GALNT5: variants seen among roughly 807,000 people sequenced by gnomAD.
The protein encoded by GALNT5 is UDP-GalNAc:polypeptide N-acetylgalactosaminyltransferase 5.
GALNT5 carries 72 observed loss-of-function variants against 85.4 expected under a neutral mutation model. The ratio of observed to expected loss-of-function variants is 0.84; its 90% CI spans 0.70 to 1.03. The LOEUF is 1.03. Ranked by LOEUF, GALNT5 falls within the 50% of genes least tolerant of loss-of-function variation. The probability of loss-of-function intolerance (pLI) is 0.00; values close to 1 mark genes in which losing one functional copy is unlikely to be tolerated. For missense variants in GALNT5, 1,137 were observed against 1,135.5 expected, an observed-to-expected ratio of 1.00 and a Z score of -0.02; for synonymous variants, 404 against 397.0, an observed-to-expected ratio of 1.02 and a Z score of -0.21.
chr2:157,306,120 T>C (rs1683450831), intron 8 of GALNT5, among the ~76,000 whole-genome samples: 3 of 152,218 alleles, frequency 2.0e-5, no homozygotes, highest in African/African-American at 4.8e-5. Flanking sequence ...GTGATAATCA[T>C]GCCTACTTTT....
chr2:157,295,079 A>G (rs1306379435), intron 3 of GALNT5, among the ~76,000 whole-genome samples: 3 of 152,048 alleles, frequency 2.0e-5, no homozygotes, highest in Admixed American at 6.6e-5. Flanking sequence ...ACATACGTTC[A>G]CATTGGTGTG....
rs142907511 is a variant in GALNT5 at position 157,281,004 on chromosome 2, G to A, written c.1455-3278G>A. On this transcript the variant is annotated intron_variant, in intron 1 of 9. Coordinates refer to ENST00000259056, the MANE Select transcript of GALNT5 (RefSeq NM_014568.3). ...TGCTTCCTGTACAGCCTGCAGAACC[G>A]TGAGCCAATTAAACCTCTTTTCTTT... is the stretch of plus-strand genomic sequence containing the variant. Among the ~76,000 whole-genome samples, 1,465 of 152,238 alleles carry A rather than the reference G, an allele frequency of 9.6e-3. 24 individuals carry two copies. Among genetic ancestry groups the A allele is most frequent in the African/African-American group, 0.033 (1,371 of 41,542 alleles).
chr2:157,285,929 T>C, intron 2 of GALNT5, 86 bp from the exon 3 acceptor site: 5 of 845,708 alleles, frequency 5.9e-6, no homozygotes, highest in Non-Finnish European at 9.5e-6. Context: ...TCATAGTTTT[T>C]GGCATTTGAC....
intron 1 of GALNT5, among the ~76,000 whole-genome samples, chr2:157,283,828 C>G (rs928918159): frequency 2.6e-5 from 4 of 152,128 alleles, no homozygotes; most frequent in African/African-American, 9.7e-5. Context: ...CTACAAAACT[C>G]TATTGAATAA....
chr2:157,299,383 A>T (rs1457147876), intron 5 of GALNT5, among the ~76,000 whole-genome samples, 165 bp from the exon 6 acceptor site: 3 of 152,200 alleles, frequency 2.0e-5, no homozygotes, highest in Non-Finnish European at 2.9e-5. Context: ...TGATCCAGGG[A>T]TCGCATCACT....
chr2:157,304,382 A>G (rs1240405243), intron 7 of GALNT5, among the ~76,000 whole-genome samples: 1 of 152,216 alleles, frequency 6.6e-6, no homozygotes, highest in Non-Finnish European at 1.5e-5. Flanking sequence ...CTCAGAAGTA[A>G]TTAACAACCT....
chr2:157,301,012 G>T lies in GALNT5; in HGVS notation c.2439+13G>T. On this transcript the variant is annotated intron_variant, in intron 7 of 9. Coordinates refer to ENST00000259056, the MANE Select transcript of GALNT5 (RefSeq NM_014568.3). ...AGCTAGTGGTGTGGTAAGTTCAAGT[G>T]GCAATTTAAAATCTTACTCCATAAA... 2 of 1,583,952 alleles carry T rather than the reference G, an allele frequency of 1.3e-6. No homozygotes were observed. Among genetic ancestry groups the T allele is most frequent in the South Asian group, 2.3e-5 (2 of 88,884 alleles).
Position 157,308,565 on chromosome 2 carries a change from A to C in GALNT5, c.2521-2A>C. The C allele has an allele frequency of 6.2e-7, 1 of 1,601,482 alleles. No individual in the cohort carries two copies. Among genetic ancestry groups the C allele is most frequent in the Non-Finnish European group, 8.5e-7 (1 of 1,176,344 alleles). ...TGACCTCTTTATTCATTTCCCCCAC[A>C]GCTTCAACAATTTAATTACACCTGG... On this transcript the variant is annotated splice_acceptor_variant, in intron 8 of 9. Transcript: ENST00000259056. LOFTEE classifies it high-confidence loss of function.
At position 157,258,284 on chromosome 2, in the gene GALNT5, T is replaced by C; in HGVS notation, c.202T>C (p.Tyr68His). 1 of 1,600,272 alleles carries C rather than the reference T, an allele frequency of 6.2e-7. No homozygotes were observed. Among genetic ancestry groups the C allele is most frequent in the Non-Finnish European group, 8.5e-7 (1 of 1,174,792 alleles). Residue 68 changes from tyrosine to histidine, a missense_variant, in exon 1 of 10, where the codon TAC becomes CAC. Tyr to His is a moderately conservative substitution (Grantham distance 83, BLOSUM62 2). Coordinates refer to ENST00000259056, the MANE Select transcript of GALNT5 (RefSeq NM_014568.3). ...RVQPDQGKIFYSSIKEMKPPL... is the reference protein window; with the variant it reads ...RVQPDQGKIFHSSIKEMKPPL... Reference sequence around the variant, plus strand: ...TCAGCCAGACCAAGGAAAAATTTTTTACAGCAGCATAAAAGAGATGAAACC... The same window carrying C: ...TCAGCCAGACCAAGGAAAAATTTTTCACAGCAGCATAAAAGAGATGAAACC...
At chr2:157,274,068 T>C (rs899878503) in intron 1 of GALNT5, among the ~76,000 whole-genome samples, 12 of 151,934 alleles carry the variant, frequency 7.9e-5, no homozygotes, top group Admixed American at 6.6e-4. Flanking sequence ...AGTGAAAACA[T>C]GTGGTGTTTG....
rs1255216233 is a variant in GALNT5 at position 157,308,610 on chromosome 2, G to A, written c.2564G>A (p.Gly855Glu). 6.2e-7 allele frequency: 1 copy of A among 1,613,342 alleles called. No individual in the cohort carries two copies. Among genetic ancestry groups the A allele is most frequent in the Non-Finnish European group, 8.5e-7 (1 of 1,179,622 alleles). ...NYTWLRLIKC[G>E]EWCIAPIPDK... ...ACCTGGTTAAGACTTATTAAATGTG[G>A]AGAATGGTGTATAGCCCCCATCCCT... Residue 855 changes from glycine (G) to glutamate (E), a missense_variant, in exon 9 of 10, where the codon GGA (glycine) becomes GAA (glutamate). Physicochemically the swap from Gly to Glu is moderately conservative, Grantham distance 98 (BLOSUM62 -2). Coordinates refer to ENST00000259056, the MANE Select transcript of GALNT5 (RefSeq NM_014568.3).
chr2:157,284,916 TTGCCAA>T (rs1558896758), intron 2 of GALNT5, among the ~76,000 whole-genome samples: 1 of 152,170 alleles, frequency 6.6e-6, no homozygotes, highest in Admixed American at 6.5e-5. Context: ...AGAAGACAAA[TTGCCAA>T]TAGGACAAGA....
chr2:157,299,616 A>T lies in GALNT5; in HGVS notation c.2066A>T (p.Asp689Val), dbSNP rs771770563. ...KSYFFELGTY[D>V]PGLDVWGGEN... Reference sequence around the variant, plus strand: ...TACTTTTTTGAACTTGGAACATACGACCCTGGCCTTGATGTTTGGGGTGGG... The same window carrying T: ...TACTTTTTTGAACTTGGAACATACGTCCCTGGCCTTGATGTTTGGGGTGGG... Residue 689 changes from aspartate to valine, a missense_variant, in exon 6 of 10, where the codon GAC becomes GTC. Physicochemically the swap from Asp to Val is radical, Grantham distance 152 (BLOSUM62 -3). Transcript: ENST00000259056. 3 of 1,613,202 alleles carry T rather than the reference A, an allele frequency of 1.9e-6. No individual in the cohort carries two copies. In the Admixed American group the frequency reaches 5.0e-5, roughly 27 times the overall value.
chr2:157,293,003 G>A (rs1460226594), intron 3 of GALNT5, among the ~76,000 whole-genome samples: 1 of 152,070 alleles, frequency 6.6e-6, no homozygotes, highest in Non-Finnish European at 1.5e-5. Context: ...CACCCGGCCA[G>A]GAATCTTTTT....
chr2:157,303,524 A>G (rs1465506040), intron 7 of GALNT5, among the ~76,000 whole-genome samples: 1 of 152,218 alleles, frequency 6.6e-6, no homozygotes, highest in Non-Finnish European at 1.5e-5. Context: ...AAAATGGTTT[A>G]CAGTAAAAAC....
chr2:157,259,684 C>A, intron 1 of GALNT5, 148 bp downstream of exon 1: 1 of 572,386 alleles, frequency 1.7e-6, no homozygotes, highest in South Asian at 7.0e-5. Flanking sequence ...AAATATTTCA[C>A]CAGCTACAGA....
intron 3 of GALNT5, among the ~76,000 whole-genome samples, chr2:157,290,379 G>A (rs996924158): frequency 6.6e-6 from 1 of 152,038 alleles, no homozygotes; most frequent in Admixed American, 6.6e-5. Flanking sequence ...CCAATGCTGG[G>A]AAGTACACCT....
chr2:157,296,608 T>C (rs986875485), intron 5 of GALNT5, 95 bp downstream of exon 5: 38 of 890,732 alleles, frequency 4.3e-5, no homozygotes, highest in Admixed American at 8.5e-5. Context: ...TGTTATTCTA[T>C]AGAACATTAA....
intron 1 of GALNT5, among the ~76,000 whole-genome samples, chr2:157,274,351 T>C (rs1255602525): frequency 1.3e-5 from 2 of 152,194 alleles, no homozygotes; most frequent in African/African-American, 4.8e-5. Context: ...ATGGGATCAC[T>C]GGTATTTCTA....
Sources: allele counts gnomAD v4.1 joint callset (sites outside exome capture counted in the v4.1 genomes callset), GRCh38; gene constraint gnomAD v4.1.1; transcripts MANE v1.5; gene names NCBI Gene and HGNC (gene_info 2026-07-23, HGNC 2026-07-21).